The following FAM171A2 variants were observed in gnomAD, a reference collection of about 807,000 sequenced individuals.
FAM171A2 encodes the protein protein FAM171A2.
Under a neutral mutation model 34.2 loss-of-function variants are expected in FAM171A2, and 13 were observed. The ratio of observed to expected loss-of-function variants is 0.38; its 90% CI spans 0.25 to 0.60. The LOEUF (loss-of-function observed/expected upper bound fraction) is 0.60. FAM171A2 is among the 20% of genes least tolerant of loss of function. The probability of loss-of-function intolerance (pLI) is 0.62; values close to 1 mark genes in which losing one functional copy is unlikely to be tolerated. For synonymous variants in FAM171A2, 475 were observed against 561.2 expected, an observed-to-expected ratio of 0.85 and a Z score of 2.17; for missense variants, 950 against 1,180.7, an observed-to-expected ratio of 0.80 and a Z score of 2.86.
intron 3 of FAM171A2, chr17:44,359,159 AG>A: frequency 5.8e-6 from 1 of 173,910 alleles, no homozygotes. Context: ...AGTTGAAGTA[AG>A]TACTAGCTGA....
chr17:44,360,224 G>T, intron 1 of FAM171A2, 92 bp from the exon 2 acceptor site: 1 of 1,105,944 alleles, frequency 9.0e-7, no homozygotes, highest in Non-Finnish European at 1.3e-6. Flanking sequence ...AGCTGTGTTT[G>T]AGAGAGTCTT....
Position 44,355,144 on chromosome 17 carries a change from G to C in FAM171A2, c.1070C>G (p.Ser357Trp). 6.4e-7 allele frequency: 1 copy of C among 1,550,988 alleles called. No homozygotes were observed. The highest frequency in any genetic ancestry group is 8.7e-7 in the Non-Finnish European group (1 of 1,146,924). The stretch of plus-strand genomic sequence containing the variant: ...TCGTTTGTTACCGTCAGAGGGCCCC[G>C]AGAGCTGCAGCTTGCGGTGCTGTTG... ...PRQQHRKLQL[S>W]GPSDGNKRDQ... is the part of the protein sequence containing the mutation. Residue 357 changes from serine (S) to tryptophan (W), a missense_variant, in exon 8 of 8, where the codon TCG becomes TGG. Around this residue, in one of 3 missense-constraint regions of FAM171A2, gnomAD observed 752 missense variants for 924.5 expected, o/e 0.81. Coordinates refer to ENST00000293443, the MANE Select transcript of FAM171A2 (RefSeq NM_198475.3). The surrounding 1 kb of genome is among the most constrained non-coding windows in gnomAD (Gnocchi z 4.1).
In FAM171A2 at chr17:44,355,278, C is replaced by G. The variant is rs1252860848; in HGVS notation, c.1023-87G>C. 3.3e-6 allele frequency: 5 copies of G among 1,495,874 alleles called. No homozygotes were observed. Among genetic ancestry groups the G allele is most frequent in the Non-Finnish European group, 3.6e-6 (4 of 1,126,110 alleles). The allele number at this position is 1,495,874 out of a possible 1,614,324, so 92.7% of individuals were successfully genotyped here. A position where few individuals can be genotyped will look rare whatever the true frequency, so the allele number is the denominator to read the frequency against. On this transcript the variant is annotated intron_variant, in intron 7 of 7. Transcript: ENST00000293443. The surrounding 1 kb of genome is among the most constrained non-coding windows in gnomAD (Gnocchi z 4.1). ...ACCCCCTTAGATGCAAGACAAGAGA[C>G]GAATATAGTGGAAGAGGTGGGGAGA...
intron 3 of FAM171A2, chr17:44,358,918 TGACTGCTCCGTTC>T (rs2048436559): frequency 6.5e-6 from 1 of 152,924 alleles, no homozygotes; most frequent in Non-Finnish European, 1.5e-5. Context: ...AGTCGAGGGC[TGACTGCTCCGTTC>T]GACAAGCTCT....
Position 44,356,245 on chromosome 17 carries a change from G to T in FAM171A2, c.706C>A (p.Pro236Thr), listed in dbSNP as rs376990234. 2.6e-6 allele frequency: 4 copies of T among 1,551,480 alleles called. No homozygotes were observed. The highest frequency in any genetic ancestry group is 3.5e-6 in the Non-Finnish European group (4 of 1,146,956). The stretch of plus-strand genomic sequence containing the variant: ...AGGGCACGAGTCTCGGAGGGCACGG[G>T]CAGGGACAGGTGAATGGGGCCTGAG... ...PLSGPIHLSL[P>T]VPSETRALTV... is the part of the protein sequence containing the mutation. Residue 236 changes from proline to threonine, a missense_variant, in exon 5 of 8, where the codon CCC (proline) becomes ACC (threonine). Physicochemically the swap from Pro to Thr is conservative, Grantham distance 38. Coordinates refer to ENST00000293443, the MANE Select transcript of FAM171A2 (RefSeq NM_198475.3).
rs1223256267 is a variant in FAM171A2 at position 44,354,323 on chromosome 17, T to C, written c.1891A>G (p.Asn631Asp). The change falls in exon 8 of 8, where the codon AAC becomes GAC. Residue 631 changes from asparagine to aspartate, a missense_variant. Asn to Asp is a conservative substitution (Grantham distance 23, BLOSUM62 1). Coordinates refer to ENST00000293443, the MANE Select transcript of FAM171A2 (RefSeq NM_198475.3). This position sits in a 1 kb window ranked among gnomAD's most constrained non-coding sequence, Gnocchi z 5.8. ...TCGGTCAGGGCCTGCAGCTCCCCGT[T>C]GAGCTGCGCCATGGTGGACTCGTTG... Reference protein sequence around the residue: ...LFNESTMAQLNGELQALTEKK... With the variant: ...LFNESTMAQLDGELQALTEKK... The C allele has an allele frequency of 1.4e-6, 2 of 1,445,248 alleles. No homozygotes were observed. The highest frequency in any genetic ancestry group is 2.4e-5 in the Admixed American group (1 of 40,956). 89.5% of individuals were successfully genotyped at this position (1,445,248 alleles called of 1,614,324 possible).
In FAM171A2 at chr17:44,363,751, C is replaced by T; in HGVS notation, c.-37G>A. ...GCCGGGCCCTAGCGGTCCATGGCTC[C>T]CGCCTGGTCCCGCTCGCCCGGCCCC... On this transcript the variant is annotated 5_prime_UTR_variant, in exon 1 of 8. Transcript: ENST00000293443. The T allele has an allele frequency of 1.0e-6, 1 of 993,966 alleles. No homozygotes were observed. The highest frequency in any genetic ancestry group is 1.3e-6 in the Non-Finnish European group (1 of 781,630). The allele number at this position is 993,966 out of a possible 1,614,324, so 61.6% of individuals were successfully genotyped here. A position where few individuals can be genotyped will look rare whatever the true frequency, so the allele number is the denominator to read the frequency against.
intron 1 of FAM171A2, among the ~76,000 whole-genome samples, chr17:44,362,621 C>T (rs1024943653): frequency 6.6e-6 from 1 of 152,220 alleles, no homozygotes; most frequent in African/African-American, 2.4e-5. Flanking sequence ...CCCAAGCGTC[C>T]AGGCCTGCCT....
chr17:44,363,473 C>T (rs374130474), intron 1 of FAM171A2, 124 bp downstream of exon 1: 3 of 434,602 alleles, frequency 6.9e-6, no homozygotes, highest in African/African-American at 2.1e-5. Context: ...TTAGCTCCCC[C>T]CACCCGAATC....
intron 3 of FAM171A2, 61 bp from the exon 4 acceptor site, chr17:44,356,649 C>T (rs2143373765): frequency 6.8e-7 from 1 of 1,464,326 alleles, no homozygotes; most frequent in South Asian, 1.4e-5. Context: ...GGGACCAGAG[C>T]AGAAACCCAT....
At chr17:44,356,726 G>T (rs1284477677) in intron 3 of FAM171A2, 138 bp from the exon 4 acceptor site, 6 of 931,516 alleles carry the variant, frequency 6.4e-6, no homozygotes, top group Non-Finnish European at 7.8e-6. Flanking sequence ...ATGCCTTGGG[G>T]AGAAAGCTGG....
In FAM171A2 at chr17:44,354,185, C is replaced by T. The variant is rs979013688; in HGVS notation, c.2029G>A (p.Gly677Ser). Residue 677 changes from glycine to serine, a missense_variant, in exon 8 of 8, where the codon GGC becomes AGC. Around this residue, in one of 3 missense-constraint regions of FAM171A2, gnomAD observed 7 missense variants for 33.4 expected, o/e 0.21. Transcript: ENST00000293443. This position sits in a 1 kb window ranked among gnomAD's most constrained non-coding sequence, Gnocchi z 5.8. Reference sequence around the variant, plus strand: ...CTGGCGTCGGTGCTGCGTGCCCCGCCGCCCGCCTGCAGGTCGATGTAAGAG... The same window carrying T: ...CTGGCGTCGGTGCTGCGTGCCCCGCTGCCCGCCTGCAGGTCGATGTAAGAG... Reference protein sequence around the residue: ...RHSYIDLQAGGGARSTDASLD... With the variant: ...RHSYIDLQAGSGARSTDASLD... The T allele has an allele frequency of 7.3e-6, 10 of 1,368,322 alleles. No homozygotes were observed. Among genetic ancestry groups the T allele is most frequent in the African/African-American group, 1.5e-5 (1 of 65,050 alleles). The allele number at this position is 1,368,322 out of a possible 1,614,324, so 84.8% of individuals were successfully genotyped here.
chr17:44,360,025 CTG>C lies in FAM171A2; in HGVS notation c.224_225del (p.Thr75ArgfsTer37), dbSNP rs1310416097. The C allele has an allele frequency of 6.4e-7, 1 of 1,551,658 alleles. No homozygotes were observed. The highest frequency in any genetic ancestry group is 1.4e-5 in the African/African-American group (1 of 73,050). ...GNRTLLAAGT[T>X]DSEGVATLPL... ...GGCAGGGTGGCCACACCCTCTGAGT[CTG>C]TGGTGCCAGCTGCCAGCAGAGTCCG... On this transcript the variant is annotated frameshift_variant, in exon 2 of 8. Coordinates refer to ENST00000293443, the MANE Select transcript of FAM171A2 (RefSeq NM_198475.3). LOFTEE classifies it high-confidence loss of function.
intron 1 of FAM171A2, 124 bp downstream of exon 1, chr17:44,363,473 C>A (rs374130474): frequency 6.9e-6 from 3 of 434,710 alleles, no homozygotes; most frequent in Admixed American, 4.6e-5. Flanking sequence ...TTAGCTCCCC[C>A]CACCCGAATC....
In FAM171A2 at chr17:44,356,471, C is replaced by T; in HGVS notation, c.557G>A (p.Arg186Gln). ...AGTGCCCAGGAAGGCAGGGAAAGCC[C>T]GCATTTCCTGCTGGGTGCTGGCAGG... ...LTPASTQQEMRAFPAFLGTEA... is the reference protein window; with the variant it reads ...LTPASTQQEMQAFPAFLGTEA... Residue 186 changes from arginine (R) to glutamine (Q), a missense_variant, in exon 4 of 8, where the codon CGG (arginine) becomes CAG (glutamine). Arg to Gln is a conservative substitution (Grantham distance 43, BLOSUM62 1). Around this residue, in one of 3 missense-constraint regions of FAM171A2, gnomAD observed 752 missense variants for 924.5 expected, o/e 0.81. Transcript: ENST00000293443. 4 of 1,550,972 alleles carry T rather than the reference C, an allele frequency of 2.6e-6. No homozygotes were observed. The highest frequency in any genetic ancestry group is 3.5e-6 in the Non-Finnish European group (4 of 1,146,966).
intron 3 of FAM171A2, among the ~76,000 whole-genome samples, chr17:44,357,492 C>T (rs2048429620): frequency 6.7e-6 from 1 of 150,362 alleles, no homozygotes; most frequent in Admixed American, 6.6e-5. Flanking sequence ...ACTAAAACTA[C>T]AAAAATTAGC....
rs2048400656 is a variant in FAM171A2 at position 44,353,563 on chromosome 17, G to A, written c.*170C>T. The A allele has an allele frequency of 4.9e-6, 2 of 407,524 alleles. No individual in the cohort carries two copies. Among genetic ancestry groups the A allele is most frequent in the Admixed American group, 5.0e-5 (1 of 19,824 alleles). The allele number at this position is 407,524 out of a possible 1,614,324, so 25.2% of individuals were successfully genotyped here. A position where few individuals can be genotyped will look rare whatever the true frequency, so the allele number is the denominator to read the frequency against. On this transcript the variant is annotated 3_prime_UTR_variant, in exon 8 of 8. Transcript: ENST00000293443. The stretch of plus-strand genomic sequence containing the variant: ...TCCCCGGCTTGGAGGCAGACACAGG[G>A]TCCCTTGCAAGACACGACCCAGCAC...
In FAM171A2 at chr17:44,355,308, C is replaced by T; in HGVS notation, c.1023-117G>A. The T allele has an allele frequency of 1.4e-6, 2 of 1,457,956 alleles. No individual in the cohort carries two copies. Among genetic ancestry groups the T allele is most frequent in the Non-Finnish European group, 1.8e-6 (2 of 1,107,516 alleles). 90.3% of individuals were successfully genotyped at this position (1,457,956 alleles called of 1,614,324 possible). On this transcript the variant is annotated intron_variant, in intron 7 of 7. Coordinates refer to ENST00000293443, the MANE Select transcript of FAM171A2 (RefSeq NM_198475.3). The surrounding 1 kb of genome is among the most constrained non-coding windows in gnomAD (Gnocchi z 4.1). ...ATAGTGGAAGAGGTGGGGAGAATGCCTGGGGCGCTCAGGAGAGATGGCGGG... is the reference window on the plus strand; with the variant it reads ...ATAGTGGAAGAGGTGGGGAGAATGCTTGGGGCGCTCAGGAGAGATGGCGGG...
In FAM171A2 at chr17:44,354,788, A is replaced by T; in HGVS notation, c.1426T>A (p.Ser476Thr). The change falls in exon 8 of 8, where the codon TCG (serine) becomes ACG (threonine). Residue 476 changes from serine to threonine, a missense_variant. Physicochemically the swap from Ser to Thr is moderately conservative, Grantham distance 58. Around this residue, in one of 3 missense-constraint regions of FAM171A2, gnomAD observed 752 missense variants for 924.5 expected, o/e 0.81. Transcript: ENST00000293443. This position sits in a 1 kb window ranked among gnomAD's most constrained non-coding sequence, Gnocchi z 5.8. ...TAGTGGTCGAAGGGCGGCGGCGGCG[A>T]GGGCGGCTCGTGCAGGAAGGCCGCA... ...GAAAFLHEPP[S>T]PPPPFDHYLG... is the part of the protein sequence containing the mutation. 1.5e-6 allele frequency: 2 copies of T among 1,295,828 alleles called. No individual in the cohort carries two copies. The highest frequency in any genetic ancestry group is 2.0e-6 in the Non-Finnish European group (2 of 1,022,270). 80.3% of individuals were successfully genotyped at this position (1,295,828 alleles called of 1,614,324 possible).
Sources: gnomAD v4.1 joint callset for allele counts (sites outside exome capture counted in the v4.1 genomes callset) on GRCh38, gnomAD v4.1.1 for gene constraint, gnomAD v4.1.1 regional missense constraint, Gnocchi (gnomAD v3.1) non-coding constraint, MANE v1.5 for transcripts, NCBI Gene and HGNC (gene_info 2026-07-23, HGNC 2026-07-21) for gene names.